UGGT1: variants seen among roughly 807,000 people sequenced by gnomAD.
The protein encoded by UGGT1 is UDP-glucose glycoprotein glucosyltransferase 1.
In UGGT1, 107 loss-of-function variants were observed where a neutral mutation model predicts 203.9. The ratio of observed to expected loss-of-function variants is 0.52; its 90% CI spans 0.45 to 0.62. The LOEUF (loss-of-function observed/expected upper bound fraction) is 0.62, where lower values mean the gene tolerates loss of function less well. Ranked by LOEUF, UGGT1 falls within the 20% of genes least tolerant of loss-of-function variation. UGGT1 has a pLI of 0.00. For synonymous variants in UGGT1, 628 were observed against 653.5 expected (o/e 0.96, Z 0.59); for missense variants, 1,673 against 1,867.2 (o/e 0.90, Z 1.92).
chr2:128,133,340 A>C (rs1688974971), intron 14 of UGGT1, 80 bp downstream of exon 14: 11 of 1,546,332 alleles, frequency 7.1e-6, no homozygotes, highest in Non-Finnish European at 7.1e-6. Context: ...TAGAATGGTC[A>C]CTTCTCACCT....
chr2:128,100,117 C>T (rs1274860556), intron 2 of UGGT1, among the ~76,000 whole-genome samples: 1 of 147,712 alleles, frequency 6.8e-6, no homozygotes, highest in Non-Finnish European at 1.5e-5. Flanking sequence ...GCAACCTCTG[C>T]CTCCCAGGTT....
At chr2:128,094,736 CTTTTTTTTTTTTTT>C (rs70988604) in intron 1 of UGGT1, among the ~76,000 whole-genome samples, 177 of 84,608 alleles carry the variant, frequency 2.1e-3, no homozygotes, top group Non-Finnish European at 3.0e-3. Flanking sequence ...TAAGAGAATG[CTTTTTTTTTTTTTT>C]TTTTTTTTTT....
intron 13 of UGGT1, among the ~76,000 whole-genome samples, chr2:128,130,117 C>T (rs772282246): frequency 1.3e-5 from 2 of 151,956 alleles, no homozygotes; most frequent in Admixed American, 6.6e-5. Flanking sequence ...AAAAATTAGC[C>T]GGGTGTGGTG....
At chr2:128,151,336 C>T (rs2104705446) in intron 18 of UGGT1, 2 of 545,222 alleles carry the variant, frequency 3.7e-6, no homozygotes, top group East Asian at 6.8e-5. Context: ...TGGCGCCTGC[C>T]ACGCCTTCCC....
In UGGT1 at chr2:128,194,792, T is replaced by G. The variant is rs1692442749; in HGVS notation, c.*5050T>G. The G allele has an allele frequency of 2.0e-5, 3 of 152,146 alleles. No homozygotes were observed. Among genetic ancestry groups the G allele is most frequent in the Admixed American group, 1.3e-4 (2 of 15,260 alleles). The allele number at this position is 152,146 out of a possible 1,614,324, so 9.4% of individuals were successfully genotyped here. A position where few individuals can be genotyped will look rare whatever the true frequency, so the allele number is the denominator to read the frequency against. ...TCAAGCAAATGAGACATCATGAACTTCAGTGGTTATTGATATTTCAGGGTA... is the reference window on the plus strand; with the variant it reads ...TCAAGCAAATGAGACATCATGAACTGCAGTGGTTATTGATATTTCAGGGTA... On this transcript the variant is annotated 3_prime_UTR_variant, in exon 41 of 41. Coordinates refer to ENST00000259253, the MANE Select transcript of UGGT1 (RefSeq NM_020120.4).
intron 14 of UGGT1, 84 bp downstream of exon 14, chr2:128,133,344 C>T: frequency 2.0e-6 from 3 of 1,525,252 alleles, no homozygotes; most frequent in Non-Finnish European, 2.7e-6. Context: ...ATGGTCACTT[C>T]TCACCTTTAC....
At position 128,171,538 on chromosome 2, in the gene UGGT1, C is replaced by T. The variant is rs371446485; in HGVS notation, c.3104+254C>T. 30 of 436,482 alleles carry T rather than the reference C, an allele frequency of 6.9e-5. No individual in the cohort carries two copies. In the Admixed American group the frequency reaches 7.5e-4, roughly 11 times the overall value. 27.0% of individuals were successfully genotyped at this position (436,482 alleles called of 1,614,324 possible). On this transcript the variant is annotated intron_variant, in intron 28 of 40. Coordinates refer to ENST00000259253, the MANE Select transcript of UGGT1 (RefSeq NM_020120.4). Reference sequence around the variant, plus strand: ...CTTTCTTTTTTTCGAGATGGAGTCTCGCTCTGTCGCCCAGATTGGAGTGCA... The same window carrying T: ...CTTTCTTTTTTTCGAGATGGAGTCTTGCTCTGTCGCCCAGATTGGAGTGCA...
chr2:128,134,795 C>A (rs537872369), intron 14 of UGGT1, 81 bp from the exon 15 acceptor site: 51 of 1,280,704 alleles, frequency 4.0e-5, no homozygotes, highest in Non-Finnish European at 5.3e-5. Flanking sequence ...GCTTCATGTA[C>A]AGTGACTCAT....
intron 26 of UGGT1, among the ~76,000 whole-genome samples, chr2:128,169,638 C>T (rs911846652): frequency 1.3e-5 from 2 of 152,184 alleles, no homozygotes; most frequent in Non-Finnish European, 2.9e-5. Flanking sequence ...TCTCTATGTC[C>T]AGCAGTAAAG....
intron 35 of UGGT1, 99 bp downstream of exon 35, chr2:128,179,969 C>T: frequency 1.9e-6 from 2 of 1,046,412 alleles, no homozygotes; most frequent in African/African-American, 1.6e-5. Context: ...AGCAAATTTT[C>T]CATTTACTAA....
At chr2:128,112,937 T>G (rs1687935895) in intron 5 of UGGT1, 147 bp from the exon 6 acceptor site, 1 of 662,198 alleles carries the variant, frequency 1.5e-6, no homozygotes. Context: ...TCTTAGTAAG[T>G]GAAAAATATT....
chr2:128,107,973 G>A lies in UGGT1; in HGVS notation c.313G>A (p.Ala105Thr), dbSNP rs1358825812. Residue 105 changes from alanine (A) to threonine (T), a missense_variant, in exon 4 of 41, where the codon GCT becomes ACT. Transcript: ENST00000259253. ...TTCCTACTATCATGCAATATTGGAG[G>A]CTGCATTTCAGTTTCTGTCACCCCT... ...DYSYYHAILE[A>T]AFQFLSPLQQ... is the part of the protein sequence containing the mutation. The A allele has an allele frequency of 1.2e-6, 2 of 1,614,078 alleles. No homozygotes were observed. The highest frequency in any genetic ancestry group is 1.7e-6 in the Non-Finnish European group (2 of 1,180,016).
intron 22 of UGGT1, among the ~76,000 whole-genome samples, chr2:128,157,899 A>G (rs1690318397): frequency 6.6e-6 from 1 of 152,198 alleles, no homozygotes; most frequent in African/African-American, 2.4e-5. Flanking sequence ...AGAGGATGAG[A>G]TGTCAAAATT....
At chr2:128,156,264 G>A (rs911868350) in intron 20 of UGGT1, 128 bp from the exon 21 acceptor site, 2 of 720,656 alleles carry the variant, frequency 2.8e-6, no homozygotes, top group East Asian at 2.7e-5. Flanking sequence ...CCATGACACC[G>A]ACAGGACTAA....
chr2:128,100,018 A>ACCCCCCCCCC (rs373235190), intron 2 of UGGT1, among the ~76,000 whole-genome samples: 4 of 34,914 alleles, frequency 1.1e-4, no homozygotes, highest in Non-Finnish European at 1.6e-4. Context: ...GAGATTTACA[A>ACCCCCCCCCC]CCCCCCCCCC....
intron 2 of UGGT1, among the ~76,000 whole-genome samples, chr2:128,102,144 A>G: frequency 6.8e-6 from 1 of 147,978 alleles, no homozygotes; most frequent in East Asian, 1.9e-4. Flanking sequence ...GTAAAATCAT[A>G]ATTTTTTTTT....
chr2:128,105,764 C>G (rs1687578557), intron 3 of UGGT1, among the ~76,000 whole-genome samples: 2 of 152,072 alleles, frequency 1.3e-5, no homozygotes, highest in African/African-American at 4.8e-5. Flanking sequence ...ATCCACCCAC[C>G]TCAGCCTCCC....
rs1390875827 is a variant in UGGT1, at chr2:128,116,343, G to A, written c.872G>A (p.Arg291Lys). Residue 291 changes from arginine (R) to lysine (K), a missense_variant and splice_region_variant, in exon 8 of 41, where the codon AGA becomes AAA. Physicochemically the swap from Arg to Lys is conservative, Grantham distance 26. Coordinates refer to ENST00000259253, the MANE Select transcript of UGGT1 (RefSeq NM_020120.4). ...EVQGFLFGKL[R>K]DLHPDLEGQL... is the part of the protein sequence containing the mutation. ...CAGGGGTTCCTCTTTGGAAAATTAAGGTATGTATGTTCTGTGTATTTTGGG... is the reference window on the plus strand; with the variant it reads ...CAGGGGTTCCTCTTTGGAAAATTAAAGTATGTATGTTCTGTGTATTTTGGG... 1.9e-6 allele frequency: 3 copies of A among 1,595,648 alleles called. No homozygotes were observed. The highest frequency in any genetic ancestry group is 1.7e-6 in the Non-Finnish European group (2 of 1,163,744).
At chr2:128,117,985 TGTGTGTGTGA>T (rs1558764708) in intron 8 of UGGT1, among the ~76,000 whole-genome samples, 36 of 144,562 alleles carry the variant, frequency 2.5e-4, no homozygotes, top group African/African-American at 8.0e-4. Flanking sequence ...TGTCTGTGTG[TGTGTGTGTGA>T]GAGAGAGAGA....
Sources: allele counts gnomAD v4.1 joint callset (sites outside exome capture counted in the v4.1 genomes callset), GRCh38; gene constraint gnomAD v4.1.1; transcripts MANE v1.5; gene names NCBI Gene and HGNC (gene_info 2026-07-23, HGNC 2026-07-21).